MLX: variants seen among roughly 807,000 people sequenced by gnomAD.
MLX encodes the protein MAX dimerization protein MLX.
Under a neutral mutation model 33.0 loss-of-function variants are expected in MLX, and 15 were observed. That is an observed-to-expected ratio of 0.45 (90% confidence interval 0.30 to 0.70). The LOEUF is 0.70. Ranked by LOEUF, MLX falls within the 30% of genes least tolerant of loss-of-function variation. The pLI, the probability that MLX is intolerant of heterozygous loss-of-function variation, is 0.07. For missense variants in MLX, 285 were observed against 306.3 expected (o/e 0.93, Z 0.52); for synonymous variants, 115 against 115.6 (o/e 0.99, Z 0.03).
In MLX at chr17:42,570,096, G is replaced by A; in HGVS notation, c.591G>A (p.Gln197=). ...AAGGCATCATGGATTCCCTGTTCCA[G>A]TCCTTCAATGCCTCCATCTCAGTGG... is the stretch of plus-strand genomic sequence containing the variant. ...VFQGIMDSLF[Q]SFNASISVAS... The change falls in exon 7 of 8, where the codon CAG becomes CAA. Residue 197 remains glutamine, a synonymous_variant. Coordinates refer to ENST00000435881, the MANE Select transcript of MLX (RefSeq NM_198204.2). The A allele has an allele frequency of 6.2e-7, 1 of 1,614,186 alleles. No individual in the cohort carries two copies. Among genetic ancestry groups the A allele is most frequent in the Non-Finnish European group, 8.5e-7 (1 of 1,180,040 alleles).
intron 2 of MLX, 50 bp from the exon 3 acceptor site, chr17:42,568,419 TG>T: frequency 7.6e-7 from 1 of 1,319,234 alleles, no homozygotes; most frequent in East Asian, 2.3e-5. Context: ...TCTGAGGGTC[TG>T]GCAATGTTCC....
chr17:42,571,688 G>A lies in MLX; in HGVS notation c.*85G>A, dbSNP rs2093033739. 19 of 1,266,304 alleles carry A rather than the reference G, an allele frequency of 1.5e-5. No individual in the cohort carries two copies. Among genetic ancestry groups the A allele is most frequent in the Non-Finnish European group, 1.9e-5 (16 of 862,914 alleles). 78.4% of individuals were successfully genotyped at this position (1,266,304 alleles called of 1,614,324 possible). ...CTGAACTGCTGGGCCCGGGAGACTG[G>A]ACTACAACACCTCACACTGGTCAGC... On this transcript the variant is annotated 3_prime_UTR_variant, in exon 8 of 8. Transcript: ENST00000435881.
rs925046742 is a variant in MLX at position 42,568,361 on chromosome 17, T to TA, written c.80-99dup. On this transcript the variant is annotated intron_variant, in intron 2 of 7. Coordinates refer to ENST00000435881, the MANE Select transcript of MLX (RefSeq NM_198204.2). ...CTGGGCGACTGAGCGAGACTCTGTC[T>TA]AAAAAAAAAATAAATAAATAAAAGA... 4,774 of 663,160 alleles carry TA rather than the reference T, an allele frequency of 7.2e-3. 1 individual carries two copies. Among genetic ancestry groups the TA allele is most frequent in the Non-Finnish European group, 8.3e-3 (3,310 of 400,432 alleles). The allele number at this position is 663,160 out of a possible 1,614,324, so 41.1% of individuals were successfully genotyped here.
chr17:42,567,589 G>A, intron 1 of MLX, 30 bp from the exon 2 acceptor site: 1 of 1,613,854 alleles, frequency 6.2e-7, no homozygotes, highest in Non-Finnish European at 8.5e-7. Context: ...GCGGAGGTCT[G>A]ACGGGCCCTT....
At chr17:42,568,087 C>T (rs541382133) in intron 2 of MLX, 64 of 216,324 alleles carry the variant, frequency 3.0e-4, no homozygotes, top group Non-Finnish European at 5.4e-4. Context: ...TGTGGCCGGG[C>T]GCGGTGGCTC....
intron 3 of MLX, 57 bp from the exon 4 acceptor site, chr17:42,568,780 A>G: frequency 1.4e-6 from 2 of 1,455,556 alleles, no homozygotes; most frequent in Non-Finnish European, 1.9e-6. Context: ...AAGGTGGGCT[A>G]GCTGGACCCC....
rs765771374 is a variant in MLX at position 42,568,506 on chromosome 17, T to C, written c.116T>C (p.Val39Ala). 6 of 1,613,792 alleles carry C rather than the reference T, an allele frequency of 3.7e-6. No homozygotes were observed. Among genetic ancestry groups the C allele is most frequent in the Non-Finnish European group, 4.2e-6 (5 of 1,179,906 alleles). The change falls in exon 3 of 8, where the codon GTG becomes GCG. Residue 39 changes from valine (V) to alanine (A), a missense_variant. Val to Ala is a moderately conservative substitution (Grantham distance 64). Coordinates refer to ENST00000435881, the MANE Select transcript of MLX (RefSeq NM_198204.2). ...GAAAGCACCCGCAAGGGGAGTGTAGTGTCCAGAGCTAATAGCATCGGTTCC... is the reference window on the plus strand; with the variant it reads ...GAAAGCACCCGCAAGGGGAGTGTAGCGTCCAGAGCTAATAGCATCGGTTCC... ...FVESTRKGSVVSRANSIGSTS... is the reference protein window; with the variant it reads ...FVESTRKGSVASRANSIGSTS...
At chr17:42,569,693 C>T (rs2093023053) in intron 6 of MLX, 87 bp downstream of exon 6, 2 of 1,029,290 alleles carry the variant, frequency 1.9e-6, no homozygotes, top group Non-Finnish European at 3.0e-6. Context: ...ACATCAGTTA[C>T]TGCTGTACAG....
intron 6 of MLX, 86 bp downstream of exon 6, chr17:42,569,692 A>T: frequency 9.7e-7 from 1 of 1,027,664 alleles, no homozygotes; most frequent in Non-Finnish European, 1.5e-6. Context: ...CACATCAGTT[A>T]CTGCTGTACA....
At position 42,571,837 on chromosome 17, in the gene MLX, C is replaced by A; in HGVS notation, c.*234C>A. ...GACGATAAAACTCAAACCTACCCAGCCTTCCCCCCACTCCATGGAAGTCCT... is the reference window on the plus strand; with the variant it reads ...GACGATAAAACTCAAACCTACCCAGACTTCCCCCCACTCCATGGAAGTCCT... On this transcript the variant is annotated 3_prime_UTR_variant, in exon 8 of 8. Transcript: ENST00000435881. 1 of 542,232 alleles carries A rather than the reference C, an allele frequency of 1.8e-6. No individual in the cohort carries two copies. The highest frequency in any genetic ancestry group is 2.0e-5 in the South Asian group (1 of 48,806). 33.6% of individuals were successfully genotyped at this position (542,232 alleles called of 1,614,324 possible).
At position 42,572,019 on chromosome 17, in the gene MLX, ATTTGGCCCAAGTTTGGGCAT is replaced by A; in HGVS notation, c.*423_*442del. The stretch of plus-strand genomic sequence containing the variant: ...CATTTTTGGCCCAAGTTTGGGCAAC[ATTTGGCCCAAGTTTGGGCAT>A]TTTGGCAGTAGCTGTATGGGAGAAA... On this transcript the variant is annotated 3_prime_UTR_variant, in exon 8 of 8. Coordinates refer to ENST00000435881, the MANE Select transcript of MLX (RefSeq NM_198204.2). The A allele has an allele frequency of 3.9e-6, 1 of 255,240 alleles. No homozygotes were observed. The highest frequency in any genetic ancestry group is 1.0e-4 in the East Asian group (1 of 9,674). 15.8% of individuals were successfully genotyped at this position (255,240 alleles called of 1,614,324 possible).
chr17:42,568,623 C>T, intron 3 of MLX, 64 bp downstream of exon 3: 16 of 1,475,614 alleles, frequency 1.1e-5, no homozygotes, highest in Non-Finnish European at 1.5e-5. Flanking sequence ...AGTACCTTTC[C>T]TAGACAGGGA....
In MLX at chr17:42,568,457, C is replaced by G. The variant is rs1219679980; in HGVS notation, c.80-13C>G. On this transcript the variant is annotated splice_polypyrimidine_tract_variant and intron_variant, in intron 2 of 7. Transcript: ENST00000435881. Reference sequence around the variant, plus strand: ...CACCCCACCCCTTAGTGATTGGGGCCTCTCTTTTCCAGGGCTTTTTGTAGA... The same window carrying G: ...CACCCCACCCCTTAGTGATTGGGGCGTCTCTTTTCCAGGGCTTTTTGTAGA... The G allele has an allele frequency of 1.2e-6, 2 of 1,610,924 alleles. No homozygotes were observed. The highest frequency in any genetic ancestry group is 1.7e-6 in the Non-Finnish European group (2 of 1,177,314).
intron 1 of MLX, 186 bp downstream of exon 1, chr17:42,567,352 G>T: frequency 2.8e-6 from 4 of 1,406,014 alleles, no homozygotes; most frequent in Non-Finnish European, 3.7e-6. Flanking sequence ...CGAGGCGTGT[G>T]CGCGCGAGTC....
At chr17:42,569,938 G>C (rs765490743) in intron 6 of MLX, 44 bp from the exon 7 acceptor site, 5 of 1,571,442 alleles carry the variant, frequency 3.2e-6, no homozygotes, top group Non-Finnish European at 3.5e-6. Context: ...TCTTGGGTGG[G>C]CGGAGCTGCT....
At chr17:42,567,504 G>A (rs1367315244) in intron 1 of MLX, 115 bp from the exon 2 acceptor site, 4 of 1,552,944 alleles carry the variant, frequency 2.6e-6, no homozygotes, top group Non-Finnish European at 3.5e-6. Context: ...AAGCGCGCAG[G>A]GTGACAGAGG....
At position 42,573,120 on chromosome 17, in the gene MLX, T is replaced by A. The variant is rs1239330186; in HGVS notation, c.*1517T>A. The A allele has an allele frequency of 5.0e-6, 8 of 1,614,148 alleles. 1 individual carries two copies. In the Admixed American group the frequency reaches 8.3e-5, roughly 17 times the overall value. On this transcript the variant is annotated 3_prime_UTR_variant, in exon 8 of 8. Transcript: ENST00000435881. ...AGCTCCACTTACAAAGAACTGCTTCTTGCTCTTGGGGTATCCTTCAAGTAT... is the reference window on the plus strand; with the variant it reads ...AGCTCCACTTACAAAGAACTGCTTCATGCTCTTGGGGTATCCTTCAAGTAT...
rs369110060 is a variant in MLX, at chr17:42,573,191, T to C, written c.*1588T>C. 3.7e-6 allele frequency: 6 copies of C among 1,614,050 alleles called. No homozygotes were observed. The African/African-American group carries it at 6.7e-5, about 18-fold the overall frequency. On this transcript the variant is annotated 3_prime_UTR_variant, in exon 8 of 8. Coordinates refer to ENST00000435881, the MANE Select transcript of MLX (RefSeq NM_198204.2). ...CCTGACAAGAAATAAAACCACCCGT[T>C]TTCAGATGGGCAGCACTGGGCACTG...
In MLX at chr17:42,572,404, C is replaced by G. The variant is rs1567910806; in HGVS notation, c.*801C>G. On this transcript the variant is annotated 3_prime_UTR_variant, in exon 8 of 8. Coordinates refer to ENST00000435881, the MANE Select transcript of MLX (RefSeq NM_198204.2). Reference sequence around the variant, plus strand: ...TAACTGAGCCTCAAAATCACCCTTTCTGTCAAGCATATCTTGGCCTCTCCC... The same window carrying G: ...TAACTGAGCCTCAAAATCACCCTTTGTGTCAAGCATATCTTGGCCTCTCCC... 1 of 454,534 alleles carries G rather than the reference C, an allele frequency of 2.2e-6. No individual in the cohort carries two copies. Among genetic ancestry groups the G allele is most frequent in the African/African-American group, 2.0e-5 (1 of 49,992 alleles). The allele number at this position is 454,534 out of a possible 1,614,324, so 28.2% of individuals were successfully genotyped here.
Sources: gnomAD v4.1 joint callset for allele counts on GRCh38, gnomAD v4.1.1 for gene constraint, MANE v1.5 for transcripts, NCBI Gene and HGNC (gene_info 2026-07-23, HGNC 2026-07-21) for gene names.